ESF1: variants seen among roughly 807,000 people sequenced by gnomAD.
ESF1 encodes the protein ESF1 homolog.
A neutral mutation model predicts 92.0 loss-of-function variants in ESF1; 58 were observed. That is an observed-to-expected ratio of 0.63 (90% CI 0.51 to 0.78). The LOEUF (loss-of-function observed/expected upper bound fraction) is 0.78, where lower values mean the gene tolerates loss of function less well. Ranked by LOEUF, ESF1 falls within the 30% of genes least tolerant of loss-of-function variation. The probability of loss-of-function intolerance (pLI) is 0.00; values close to 1 mark genes in which losing one functional copy is unlikely to be tolerated. For synonymous variants in ESF1, 321 were observed against 313.7 expected, an observed-to-expected ratio of 1.02 and a Z score of -0.24; for missense variants, 922 against 989.1, an observed-to-expected ratio of 0.93 and a Z score of 0.91.
intron 11 of ESF1, among the ~76,000 whole-genome samples, chr20:13,727,180 T>G (rs550660861): frequency 2.0e-5 from 3 of 152,332 alleles, no homozygotes; most frequent in Admixed American, 2.0e-4. Flanking sequence ...CTATAATGCT[T>G]AGCATTTCTC....
chr20:13,783,097 CGT>C lies in ESF1; in HGVS notation c.42_43del (p.Arg15GlyfsTer20), dbSNP rs1980301472. Reference sequence around the variant, plus strand: ...CCAAAATCTCGGGTCCTTTGCAACCCGTCTAAACCGCTGGTCACTCATTATTT... The same window carrying C: ...CCAAAATCTCGGGTCCTTTGCAACCCCTAAACCGCTGGTCACTCATTATTT... On this transcript the variant is annotated frameshift_variant, in exon 2 of 14. Coordinates refer to ENST00000617257, the MANE Select transcript of ESF1 (RefSeq NM_001276380.2). LOFTEE classifies it high-confidence loss of function. The C allele has an allele frequency of 6.2e-7, 1 of 1,611,558 alleles. No individual in the cohort carries two copies. Among genetic ancestry groups the C allele is most frequent in the South Asian group, 1.1e-5 (1 of 90,974 alleles).
At chr20:13,731,488 G>C (rs983520994) in intron 10 of ESF1, among the ~76,000 whole-genome samples, 5 of 137,018 alleles carry the variant, frequency 3.6e-5, no homozygotes, top group Non-Finnish European at 7.6e-5. Flanking sequence ...GCCGAGATCA[G>C]GCCACTGGAC....
At chr20:13,731,724 C>T (rs1027841202) in intron 10 of ESF1, among the ~76,000 whole-genome samples, 2 of 152,098 alleles carry the variant, frequency 1.3e-5, no homozygotes, top group East Asian at 1.9e-4. Context: ...CTTTTGTGTT[C>T]GGTCTTAAGG....
intron 4 of ESF1, among the ~76,000 whole-genome samples, chr20:13,773,900 C>A (rs906604798): frequency 6.6e-6 from 1 of 152,064 alleles, no homozygotes; most frequent in Non-Finnish European, 1.5e-5. Context: ...TCGAGACCAT[C>A]CTGGCTAACA....
Position 13,732,346 on chromosome 20 carries a change from A to G in ESF1, c.1950+1375T>C, listed in dbSNP as rs185423905. ...CAGCAGAGGAAAAACAAAGTCAGAA[A>G]GAGTTTTTCCCAAAACACCCAATTT... On this transcript the variant is annotated intron_variant, in intron 10 of 13. Coordinates refer to ENST00000617257, the MANE Select transcript of ESF1 (RefSeq NM_001276380.2). 5.8e-4 allele frequency among the ~76,000 whole-genome samples: 88 copies of G among 152,350 alleles called. No homozygotes were observed. In the Middle Eastern group the frequency reaches 0.02, roughly 35 times the overall value.
intron 9 of ESF1, among the ~76,000 whole-genome samples, chr20:13,745,821 T>G (rs538239223): frequency 6.6e-6 from 1 of 152,082 alleles, no homozygotes; most frequent in African/African-American, 2.4e-5. Flanking sequence ...AGTTCAAAAT[T>G]AACAAAACTA....
chr20:13,773,487 T>C (rs917752031), intron 4 of ESF1, among the ~76,000 whole-genome samples: 32 of 152,198 alleles, frequency 2.1e-4, no homozygotes, highest in African/African-American at 6.0e-4. Flanking sequence ...TTAATTTTTT[T>C]TTCCTTTGCT....
At chr20:13,729,627 A>G (rs1056324572) in intron 10 of ESF1, among the ~76,000 whole-genome samples, 3 of 152,126 alleles carry the variant, frequency 2.0e-5, no homozygotes, top group African/African-American at 7.2e-5. Flanking sequence ...ATTAGTTACA[A>G]CAATTTATTT....
intron 13 of ESF1, among the ~76,000 whole-genome samples, chr20:13,715,802 G>A (rs2049820611): frequency 6.6e-6 from 1 of 152,184 alleles, no homozygotes; most frequent in Admixed American, 6.5e-5. Flanking sequence ...CTGCCAGGCA[G>A]ATGGGTAACC....
At chr20:13,748,115 C>T (rs149409735) in intron 9 of ESF1, among the ~76,000 whole-genome samples, 14 of 152,246 alleles carry the variant, frequency 9.2e-5, no homozygotes, top group African/African-American at 1.4e-4. Flanking sequence ...ACTGAAATGT[C>T]GTTATACAGG....
chr20:13,717,032 T>C (rs1347759711), intron 13 of ESF1, among the ~76,000 whole-genome samples: 1 of 151,914 alleles, frequency 6.6e-6, no homozygotes, highest in Non-Finnish European at 1.5e-5. Flanking sequence ...TTAGCCAGGA[T>C]GGTCTTGACC....
At chr20:13,732,123 T>C (rs2049947229) in intron 10 of ESF1, among the ~76,000 whole-genome samples, 1 of 152,208 alleles carries the variant, frequency 6.6e-6, no homozygotes, top group South Asian at 2.1e-4. Flanking sequence ...GTTCTGGATG[T>C]CCAGACTTCA....
At chr20:13,727,439 A>C (rs566386812) in intron 11 of ESF1, among the ~76,000 whole-genome samples, 1 of 152,336 alleles carries the variant, frequency 6.6e-6, no homozygotes, top group Admixed American at 6.5e-5. Flanking sequence ...CCTGTTGAGA[A>C]CTATTCTGGC....
In ESF1 at chr20:13,777,625, A is replaced by G. The variant is rs74841542; in HGVS notation, c.638-1355T>C. Reference sequence around the variant, plus strand: ...TTTCTGCCAGGTCTTGAACTTTGTAATCAACTGTCATGATTAGCAATACAC... The same window carrying G: ...TTTCTGCCAGGTCTTGAACTTTGTAGTCAACTGTCATGATTAGCAATACAC... On this transcript the variant is annotated intron_variant, in intron 2 of 13. Transcript: ENST00000617257. Among the ~76,000 whole-genome samples, 196 of 152,296 alleles carry G rather than the reference A, an allele frequency of 1.3e-3. 1 individual carries two copies. In the East Asian group the frequency reaches 0.026, roughly 20 times the overall value.
At chr20:13,738,493 T>C (rs1378292443) in intron 9 of ESF1, among the ~76,000 whole-genome samples, 1 of 152,106 alleles carries the variant, frequency 6.6e-6, no homozygotes, top group Non-Finnish European at 1.5e-5. Context: ...ATTTTACTTT[T>C]TATAGAGACG....
chr20:13,754,144 C>T (rs1356439000), intron 9 of ESF1, among the ~76,000 whole-genome samples: 1 of 152,196 alleles, frequency 6.6e-6, no homozygotes, highest in Non-Finnish European at 1.5e-5. Context: ...AACCATACTA[C>T]TTTCATCCCC....
Position 13,783,088 on chromosome 20 carries a change from T to C in ESF1, c.53A>G (p.Lys18Arg). The change falls in exon 2 of 14, where the codon AAG (lysine) becomes AGG (arginine). Residue 18 changes from lysine to arginine, a missense_variant. Physicochemically the swap from Lys to Arg is conservative, Grantham distance 26. Coordinates refer to ENST00000617257, the MANE Select transcript of ESF1 (RefSeq NM_001276380.2). ...MSDQRFRRVA[K>R]DPRFWEMPEK... ...TGGCATTTCCCAAAATCTCGGGTCC[T>C]TTGCAACCCGTCTAAACCGCTGGTC... The C allele has an allele frequency of 1.2e-6, 2 of 1,613,764 alleles. No homozygotes were observed. The highest frequency in any genetic ancestry group is 1.7e-4 in the Middle Eastern group (1 of 5,766).
intron 9 of ESF1, among the ~76,000 whole-genome samples, 179 bp from the exon 10 acceptor site, chr20:13,734,021 TAA>T (rs2049960868): frequency 6.6e-6 from 1 of 152,200 alleles, no homozygotes; most frequent in Non-Finnish European, 1.5e-5. Context: ...CCAACTTCTA[TAA>T]AAGTTATTTC....
In ESF1 at chr20:13,733,861, A is replaced by C; in HGVS notation, c.1829-19T>G. On this transcript the variant is annotated intron_variant, in intron 9 of 13. Transcript: ENST00000617257. ...TTAAGACCTGAGGAAAAATCCAAAT[A>C]GTTTAGCTTAAAATGTCTTATTGTC... 6.3e-7 allele frequency: 1 copy of C among 1,587,568 alleles called. No homozygotes were observed. The highest frequency in any genetic ancestry group is 8.5e-7 in the Non-Finnish European group (1 of 1,172,376).
Sources: allele counts gnomAD v4.1 joint callset (sites outside exome capture counted in the v4.1 genomes callset), GRCh38; gene constraint gnomAD v4.1.1; transcripts MANE v1.5; gene names NCBI Gene and HGNC (gene_info 2026-07-23, HGNC 2026-07-21).